Variants in LOXL3 observed in about 807,000 individuals in gnomAD.
LOXL3 encodes the protein lysyl oxidase like 3, also known as lysyl oxidase homolog 3.
In LOXL3, 60 loss-of-function variants were observed where a neutral mutation model predicts 91.8. That is an observed-to-expected ratio of 0.65 (90% CI 0.53 to 0.81). LOXL3 has a LOEUF of 0.81. LOXL3 is among the 30% of genes least tolerant of loss of function. LOXL3 has a pLI of 0.00. For missense variants in LOXL3, 874 were observed against 1,000.4 expected, an observed-to-expected ratio of 0.87 and a Z score of 1.70; for synonymous variants, 355 against 387.6, an observed-to-expected ratio of 0.92 and a Z score of 0.99.
chr2:74,537,019 G>GCC, intron 4 of LOXL3, 91 bp from the exon 5 acceptor site: 1 of 960,530 alleles, frequency 1.0e-6, no homozygotes, highest in South Asian at 1.5e-5. Context: ...CCTCCACCAT[G>GCC]CCCCCCACCC....
chr2:74,555,588 C>G, upstream of LOXL3: 2 of 1,614,206 alleles, frequency 1.2e-6, no homozygotes, highest in Non-Finnish European at 1.7e-6. The surrounding 1 kb of genome is among the most constrained non-coding windows in gnomAD (Gnocchi z 6.1). Flanking sequence ...GGCAGCTGGA[C>G]TCTGGCGCCT....
intron 4 of LOXL3, among the ~76,000 whole-genome samples, chr2:74,543,900 C>CAAA (rs960168777): frequency 4.9e-4 from 32 of 65,092 alleles, no homozygotes; most frequent in African/African-American, 1.2e-3. Context: ...GGCTCTGTCT[C>CAAA]AAAAAAAAAA....
At chr2:74,554,816 T>C, upstream of LOXL3, 1 of 1,613,716 alleles carries the variant, frequency 6.2e-7, no homozygotes, top group Non-Finnish European at 8.5e-7. The surrounding 1 kb of genome is among the most constrained non-coding windows in gnomAD (Gnocchi z 4.9). Context: ...GGGACCAAGG[T>C]AGTCTGGCGC....
chr2:74,536,868 CG>C lies in LOXL3; in HGVS notation c.752del (p.Thr251ArgfsTer29). On this transcript the variant is annotated frameshift_variant, in exon 5 of 14. Coordinates refer to ENST00000264094, the MANE Select transcript of LOXL3 (RefSeq NM_032603.5). LOFTEE classifies it high-confidence loss of function. The surrounding 1 kb of genome is among the most constrained non-coding windows in gnomAD (Gnocchi z 4.5). ...GGGAACAGAGGGAGAGGTGGGCCTCCGTGCCCACGCACGCCACCCCATGCAG... is the reference window on the plus strand; with the variant it reads ...GGGAACAGAGGGAGAGGTGGGCCTCCTGCCCACGCACGCCACCCCATGCAG... ...FGLHGVACVG[T>X]EAHLSLCSLE... is the part of the protein sequence containing the mutation. The C allele has an allele frequency of 6.2e-7, 1 of 1,614,190 alleles. No individual in the cohort carries two copies. Among genetic ancestry groups the C allele is most frequent in the Non-Finnish European group, 8.5e-7 (1 of 1,180,038 alleles).
At chr2:74,552,679 G>A (rs1390229388) in intron 1 of LOXL3, 33 bp from the exon 2 acceptor site, 2 of 1,468,044 alleles carry the variant, frequency 1.4e-6, no homozygotes, top group African/African-American at 1.4e-5. Context: ...GTGCGTGAGA[G>A]AAACAGATTG....
At chr2:74,553,299 G>C (rs1379981726) in intron 1 of LOXL3, among the ~76,000 whole-genome samples, 3 of 152,150 alleles carry the variant, frequency 2.0e-5, no homozygotes, top group Non-Finnish European at 4.4e-5. Flanking sequence ...TTCCCAGGCA[G>C]GGAAGGCTGG....
Position 74,535,778 on chromosome 2 carries a change from C to A in LOXL3, c.1249-23G>T, listed in dbSNP as rs369548428. On this transcript the variant is annotated intron_variant, in intron 7 of 13. Transcript: ENST00000264094. This position sits in a 1 kb window ranked among gnomAD's most constrained non-coding sequence, Gnocchi z 4.2. ...GATCTGTAGTGACACAGAATGGAAGCGCTGGAGAAAGCTTTGGGGTGAGGT... is the reference window on the plus strand; with the variant it reads ...GATCTGTAGTGACACAGAATGGAAGAGCTGGAGAAAGCTTTGGGGTGAGGT... The A allele has an allele frequency of 3.9e-6, 6 of 1,536,510 alleles. No individual in the cohort carries two copies. The Admixed American group carries it at 1.1e-4, about 28-fold the overall frequency.
intron 1 of LOXL3, among the ~76,000 whole-genome samples, chr2:74,553,240 T>C (rs1396081440): frequency 1.3e-5 from 2 of 152,154 alleles, no homozygotes; most frequent in Admixed American, 1.3e-4. Context: ...TAGGCGGCCC[T>C]GGGATCACAG....
chr2:74,545,994 C>T (rs1676565716), intron 4 of LOXL3, among the ~76,000 whole-genome samples: 1 of 152,188 alleles, frequency 6.6e-6, no homozygotes, highest in Non-Finnish European at 1.5e-5. Flanking sequence ...CATCTCCCAA[C>T]AAAACATGCT....
chr2:74,555,034 C>G, upstream of LOXL3: 1 of 1,424,218 alleles, frequency 7.0e-7, no homozygotes, highest in Non-Finnish European at 9.4e-7. The surrounding 1 kb of genome is among the most constrained non-coding windows in gnomAD (Gnocchi z 6.1). Flanking sequence ...AAACTTCGCC[C>G]CCAACCCCGT....
chr2:74,543,600 C>T (rs966848796), intron 4 of LOXL3, among the ~76,000 whole-genome samples: 3 of 151,982 alleles, frequency 2.0e-5, no homozygotes, highest in East Asian at 1.9e-4. Context: ...GAGTCAAAGG[C>T]GGGGCGTGGT....
chr2:74,535,195 GGAA>G lies in LOXL3; in HGVS notation c.1579+94_1579+96del, dbSNP rs1675931437. 8 of 1,398,512 alleles carry G rather than the reference GGAA, an allele frequency of 5.7e-6. No individual in the cohort carries two copies. In the East Asian group the frequency reaches 1.9e-4, roughly 33 times the overall value. 86.6% of individuals were successfully genotyped at this position (1,398,512 alleles called of 1,614,324 possible). On this transcript the variant is annotated intron_variant, in intron 9 of 13. Coordinates refer to ENST00000264094, the MANE Select transcript of LOXL3 (RefSeq NM_032603.5). The surrounding 1 kb of genome is among the most constrained non-coding windows in gnomAD (Gnocchi z 4.2). ...CCCGGCGAAACTGGCTCTTTTATGG[GGAA>G]GAAGTGCCCCTCCAGATTACAGCCC...
At chr2:74,555,092 C>T (rs1379743305), upstream of LOXL3, 10 of 1,542,568 alleles carry the variant, frequency 6.5e-6, no homozygotes, top group African/African-American at 4.1e-5. This position sits in a 1 kb window ranked among gnomAD's most constrained non-coding sequence, Gnocchi z 6.1. Flanking sequence ...CCTCCTTCCC[C>T]GTCGGGACCC....
intron 4 of LOXL3, among the ~76,000 whole-genome samples, chr2:74,537,164 A>C (rs1050210271): frequency 2.0e-5 from 3 of 152,186 alleles, no homozygotes; most frequent in African/African-American, 7.2e-5. Context: ...CCTGCAGTAG[A>C]ACAACCTTAA....
In LOXL3 at chr2:74,549,169, T is replaced by A; in HGVS notation, c.692+200A>T. 4.1e-6 allele frequency: 2 copies of A among 492,686 alleles called. No homozygotes were observed. Among genetic ancestry groups the A allele is most frequent in the Non-Finnish European group, 6.7e-6 (2 of 297,184 alleles). The allele number at this position is 492,686 out of a possible 1,614,324, so 30.5% of individuals were successfully genotyped here. Reference sequence around the variant, plus strand: ...AGCGGGAGCCTCGCTGGTCCCCATTTCAGGTACTCCCTTGGGGCACCTTTC... The same window carrying A: ...AGCGGGAGCCTCGCTGGTCCCCATTACAGGTACTCCCTTGGGGCACCTTTC... On this transcript the variant is annotated intron_variant, in intron 4 of 13. Coordinates refer to ENST00000264094, the MANE Select transcript of LOXL3 (RefSeq NM_032603.5). This position sits in a 1 kb window ranked among gnomAD's most constrained non-coding sequence, Gnocchi z 5.3.
intron 4 of LOXL3, among the ~76,000 whole-genome samples, chr2:74,545,849 A>G (rs1234019266): frequency 6.6e-6 from 1 of 152,082 alleles, no homozygotes; most frequent in African/African-American, 2.4e-5. Flanking sequence ...CAGTTTCAGG[A>G]CTTTATATGT....
chr2:74,536,011 A>G lies in LOXL3; in HGVS notation c.1233T>C (p.Thr411=). 6.3e-7 allele frequency: 1 copy of G among 1,579,252 alleles called. No homozygotes were observed. The highest frequency in any genetic ancestry group is 8.6e-7 in the Non-Finnish European group (1 of 1,164,312). The change falls in exon 7 of 14, where the codon ACT becomes ACC. Residue 411 remains threonine, a synonymous_variant. Transcript: ENST00000264094. The surrounding 1 kb of genome is among the most constrained non-coding windows in gnomAD (Gnocchi z 4.5). ...DAGVRCNLPY[T]GAETRIRLSG... ...GATGACTGACCCTGGTCTCTGCCCC[A>G]GTGTAAGGTAGGTTGCACCGGACCC...
rs772619628 is a variant in LOXL3, at chr2:74,533,916, A to G, written c.2154T>C (p.Asp718=). Residue 718 remains aspartate, a synonymous_variant, in exon 13 of 14, where the codon GAT becomes GAC. Coordinates refer to ENST00000264094, the MANE Select transcript of LOXL3 (RefSeq NM_032603.5). ...AGTTGTGCACCCAGATTCTATGTCC[A>G]TCATATTTGCAGTTACATTTCATTG... The part of the protein sequence containing the change: ...NNAMKCNCKY[D]GHRIWVHNCH... 5 of 1,614,010 alleles carry G rather than the reference A, an allele frequency of 3.1e-6. No homozygotes were observed. The Admixed American group carries it at 6.7e-5, about 22-fold the overall frequency.
intron 4 of LOXL3, among the ~76,000 whole-genome samples, chr2:74,543,910 AAAAAAAAAAAAAAGAAAAG>A (rs1413291825): frequency 6.6e-6 from 1 of 150,600 alleles, no homozygotes; most frequent in Non-Finnish European, 1.5e-5. Context: ...CAAAAAAAAA[AAAAAAAAAAAAAAGAAAAG>A]AAAAGAAAAA....
Sources: allele counts gnomAD v4.1 joint callset (sites outside exome capture counted in the v4.1 genomes callset), GRCh38; gene constraint gnomAD v4.1.1; non-coding constraint Gnocchi (gnomAD v3.1); transcripts MANE v1.5; gene names NCBI Gene and HGNC (gene_info 2026-07-23, HGNC 2026-07-21).